Variants in PECR observed in about 807,000 individuals in gnomAD.
The protein encoded by PECR is peroxisomal trans-2-enoyl-CoA reductase, also known as 2,4-dienoyl-CoA reductase-related protein.
In PECR, 30 loss-of-function variants were observed where a neutral mutation model predicts 35.3. The ratio of observed to expected loss-of-function variants is 0.85; its 90% CI spans 0.64 to 1.15. The LOEUF is 1.15. PECR is among the 50% of genes most tolerant of loss of function. PECR has a pLI of 0.00. For synonymous variants in PECR, 148 were observed against 138.9 expected, an observed-to-expected ratio of 1.07 and a Z score of -0.46; for missense variants, 392 against 370.8, an observed-to-expected ratio of 1.06 and a Z score of -0.47.
At chr2:216,037,593 A>T (rs1037404865), downstream of PECR, among the ~76,000 whole-genome samples, 6 of 152,196 alleles carry the variant, frequency 3.9e-5, no homozygotes, top group Admixed American at 3.3e-4. Flanking sequence ...GTATGAGCAC[A>T]AAATTGAAGG....
intron 1 of PECR, among the ~76,000 whole-genome samples, chr2:216,076,736 G>A (rs1287492106): frequency 2.6e-5 from 4 of 151,650 alleles, no homozygotes; most frequent in Non-Finnish European, 5.9e-5. Flanking sequence ...GGAGGCAGAG[G>A]TTGCAGTGAG....
intron 6 of PECR, among the ~76,000 whole-genome samples, chr2:216,046,450 A>G (rs1341775970): frequency 6.6e-6 from 1 of 151,366 alleles, no homozygotes. Flanking sequence ...AACTGGGACT[A>G]CAGGCATATG....
chr2:216,052,657 T>A (rs183676960), intron 4 of PECR, among the ~76,000 whole-genome samples: 38 of 152,332 alleles, frequency 2.5e-4, no homozygotes, highest in African/African-American at 8.7e-4. Context: ...TTCTCAGCAA[T>A]ATGATTATGA....
chr2:216,036,696 C>T (rs936804766), downstream of PECR, among the ~76,000 whole-genome samples: 1 of 152,192 alleles, frequency 6.6e-6, no homozygotes, highest in African/African-American at 2.4e-5. Flanking sequence ...TTACAGGGGT[C>T]AGCCTTGCAG....
chr2:216,035,314 G>A (rs1017240110), downstream of PECR, among the ~76,000 whole-genome samples: 8 of 152,092 alleles, frequency 5.3e-5, no homozygotes, highest in African/African-American at 1.7e-4. Flanking sequence ...TTGCATCAGA[G>A]GCCTCTGGTA....
chr2:216,055,097 G>A (rs1695198082), intron 4 of PECR, among the ~76,000 whole-genome samples: 1 of 139,082 alleles, frequency 7.2e-6, no homozygotes, highest in African/African-American at 2.7e-5. Flanking sequence ...GGGTGATAGA[G>A]CGAGACTGTG....
chr2:216,061,006 G>T (rs1314381566), intron 3 of PECR, among the ~76,000 whole-genome samples: 2 of 151,404 alleles, frequency 1.3e-5, no homozygotes, highest in Admixed American at 6.6e-5. Flanking sequence ...ATCAAAAATG[G>T]AATGAGCCGG....
rs145977085 is a variant in PECR, at chr2:216,073,534, G to A, written c.125-7016C>T. On this transcript the variant is annotated intron_variant, in intron 1 of 7. Transcript: ENST00000265322. ...CTCACCCAGAGCAACTTCCAGTCCC[G>A]TAAGCTCCTGTGTCCTATACAGTGC... 3.3e-3 allele frequency among the ~76,000 whole-genome samples: 504 copies of A among 152,116 alleles called. 6 individuals are homozygous for A. Among genetic ancestry groups the A allele is most frequent in the African/African-American group, 0.011 (469 of 41,498 alleles).
At chr2:216,031,680 AAAGAAAGAAAG>A in intron 7 of PECR, among the ~76,000 whole-genome samples, 1 of 48,056 alleles carries the variant, frequency 2.1e-5, no homozygotes, top group Non-Finnish European at 4.0e-5. Context: ...AGAAAGAAAG[AAAGAAAGAAAG>A]AGAAAGAAAG....
At chr2:216,031,475 G>GAA (rs373434476) in intron 7 of PECR, among the ~76,000 whole-genome samples, 8 of 132,818 alleles carry the variant, frequency 6.0e-5, no homozygotes, top group African/African-American at 2.4e-4. Context: ...AAGAAAGAAA[G>GAA]AGAAAGAAAG....
intron 3 of PECR, among the ~76,000 whole-genome samples, chr2:216,063,287 T>C (rs1695395141): frequency 6.6e-6 from 1 of 152,174 alleles, no homozygotes; most frequent in Non-Finnish European, 1.5e-5. Context: ...CTCCAGAATA[T>C]TTACATGGTT....
intron 1 of PECR, among the ~76,000 whole-genome samples, chr2:216,074,839 T>C (rs1387541808): frequency 6.6e-6 from 1 of 152,148 alleles, no homozygotes; most frequent in Non-Finnish European, 1.5e-5. Flanking sequence ...TGCAAACATA[T>C]TACAGGGAAA....
chr2:216,072,424 A>G (rs951728912), intron 1 of PECR, among the ~76,000 whole-genome samples: 1 of 152,200 alleles, frequency 6.6e-6, no homozygotes, highest in Non-Finnish European at 1.5e-5. Flanking sequence ...TAGGGGGGAC[A>G]AGTGTAGTTT....
chr2:216,065,072 G>A, intron 3 of PECR: 2 of 541,188 alleles, frequency 3.7e-6, no homozygotes, highest in Non-Finnish European at 6.6e-6. Context: ...TCTATGTACA[G>A]ATCATTAATA....
intron 6 of PECR, among the ~76,000 whole-genome samples, chr2:216,047,377 AAG>A (rs1695016688): frequency 6.6e-6 from 1 of 152,230 alleles, no homozygotes; most frequent in Admixed American, 6.5e-5. Flanking sequence ...AACTCTTTTA[AAG>A]AGTTTCATGG....
chr2:216,080,153 C>T (rs1483001906), intron 1 of PECR, among the ~76,000 whole-genome samples: 1 of 151,906 alleles, frequency 6.6e-6, no homozygotes, highest in Non-Finnish European at 1.5e-5. Context: ...TTGACGTCAG[C>T]TCATTGCAAC....
chr2:216,078,552 T>C (rs1651954), intron 1 of PECR, among the ~76,000 whole-genome samples: 36,907 of 147,472 alleles, frequency 0.25, 5,326 homozygotes, highest in Non-Finnish European at 0.33. Flanking sequence ...TGCGCCACTG[T>C]ACTCCAGCCT....
chr2:216,074,399 T>C (rs1481940919), intron 1 of PECR, among the ~76,000 whole-genome samples: 2 of 150,852 alleles, frequency 1.3e-5, no homozygotes, highest in African/African-American at 2.4e-5. Flanking sequence ...TGAGGCAAGA[T>C]TGTGCCTGGG....
At chr2:216,071,957 G>A (rs1340782514) in intron 1 of PECR, among the ~76,000 whole-genome samples, 37 of 152,182 alleles carry the variant, frequency 2.4e-4, no homozygotes. Context: ...AATGGTTTCA[G>A]CTTGCATGAT....
Sources: gnomAD v4.1 joint callset for allele counts (sites outside exome capture counted in the v4.1 genomes callset) on GRCh38, gnomAD v4.1.1 for gene constraint, MANE v1.5 for transcripts, NCBI Gene and HGNC (gene_info 2026-07-23, HGNC 2026-07-21) for gene names.